CDKAL1: variants seen among roughly 807,000 people sequenced by gnomAD.
CDKAL1 encodes threonylcarbamoyladenosine tRNA methylthiotransferase.
A neutral mutation model predicts 68.2 loss-of-function variants in CDKAL1; 32 were observed. The ratio of observed to expected loss-of-function variants is 0.47; its 90% CI spans 0.35 to 0.63. CDKAL1 has a LOEUF of 0.63. Among genes scored for constraint, CDKAL1 ranks in the 30% least tolerant of loss-of-function variants. The pLI is 0.00. For missense variants in CDKAL1, 606 were observed against 696.7 expected (o/e 0.87, Z 1.47); for synonymous variants, 234 against 244.3 (o/e 0.96, Z 0.39).
At chr6:21,154,581 G>A (rs73383781) in intron 13 of CDKAL1, among the ~76,000 whole-genome samples, 2,269 of 152,274 alleles carry the variant, frequency 0.015, 48 homozygotes, top group African/African-American at 0.051. Flanking sequence ...TTGATATAAT[G>A]TTAAATGTTT....
intron 13 of CDKAL1, among the ~76,000 whole-genome samples, chr6:21,113,064 C>T (rs1774202015): frequency 6.6e-6 from 1 of 152,090 alleles, no homozygotes. Context: ...AAAGCAAGGA[C>T]GGGCCATAAA....
intron 15 of CDKAL1, among the ~76,000 whole-genome samples, chr6:21,222,168 AC>A (rs1229396111): frequency 1.3e-5 from 2 of 152,158 alleles, no homozygotes; most frequent in African/African-American, 4.8e-5. Context: ...ATAAAAACCC[AC>A]CCGTGATATT....
At chr6:20,651,242 T>G (rs1386221901) in intron 5 of CDKAL1, among the ~76,000 whole-genome samples, 1 of 152,190 alleles carries the variant, frequency 6.6e-6, no homozygotes, top group African/African-American at 2.4e-5. Context: ...GGCAGTGGTT[T>G]GTAGTTCTCC....
rs1030341333 is a variant in CDKAL1 at position 21,200,959 on chromosome 6, C to T, written c.1384-151C>T. On this transcript the variant is annotated intron_variant, in intron 14 of 15. Coordinates refer to ENST00000274695, the MANE Select transcript of CDKAL1 (RefSeq NM_017774.3). Reference sequence around the variant, plus strand: ...CATTAATTGTGGCAAAAGTGCTATACTAATGTAAGACGGTAAATAATAAGA... The same window carrying T: ...CATTAATTGTGGCAAAAGTGCTATATTAATGTAAGACGGTAAATAATAAGA... 7 of 588,744 alleles carry T rather than the reference C, an allele frequency of 1.2e-5. No individual in the cohort carries two copies. The Admixed American group carries it at 1.3e-4, about 11-fold the overall frequency. The allele number at this position is 588,744 out of a possible 1,614,324, so 36.5% of individuals were successfully genotyped here. A position where few individuals can be genotyped will look rare whatever the true frequency, so the allele number is the denominator to read the frequency against.
chr6:21,160,673 G>C (rs1388986434), intron 13 of CDKAL1, among the ~76,000 whole-genome samples: 1 of 140,776 alleles, frequency 7.1e-6, no homozygotes, highest in Non-Finnish European at 1.6e-5. Context: ...GTGTGTGTGT[G>C]TGTGTCTGTG....
chr6:20,536,946 G>A (rs747126389), intron 2 of CDKAL1, among the ~76,000 whole-genome samples: 107 of 152,192 alleles, frequency 7.0e-4, no homozygotes, highest in Non-Finnish European at 1.3e-3. Flanking sequence ...AGAATGACTG[G>A]AAAGTTTTTA....
intron 9 of CDKAL1, among the ~76,000 whole-genome samples, chr6:20,904,157 G>A (rs1301369331): frequency 6.6e-6 from 1 of 152,136 alleles, no homozygotes; most frequent in Non-Finnish European, 1.5e-5. Context: ...CAAACAAAGT[G>A]GTGGGCAACC....
At chr6:21,081,714 G>T (rs1245297318) in intron 12 of CDKAL1, among the ~76,000 whole-genome samples, 1 of 151,452 alleles carries the variant, frequency 6.6e-6, no homozygotes, top group Non-Finnish European at 1.5e-5. Flanking sequence ...TGGGACTACA[G>T]GTGCCCGCCA....
chr6:20,625,007 A>G lies in CDKAL1; in HGVS notation c.287-24286A>G, dbSNP rs147319318. 9.4e-3 allele frequency among the ~76,000 whole-genome samples: 1,428 copies of G among 152,150 alleles called. 19 individuals carry two copies. Among genetic ancestry groups the G allele is most frequent in the African/African-American group, 0.031 (1,269 of 41,514 alleles). On this transcript the variant is annotated intron_variant, in intron 4 of 15. Transcript: ENST00000274695. The stretch of plus-strand genomic sequence containing the variant: ...CTCTTCATCTGTTTTCTGAGTCCTA[A>G]TGTGATTTCCCAGAATACCTAGCAC...
intron 9 of CDKAL1, among the ~76,000 whole-genome samples, chr6:20,889,232 T>C (rs1761252469): frequency 6.6e-6 from 1 of 151,832 alleles, no homozygotes; most frequent in Admixed American, 6.6e-5. Context: ...GTTTTTTTCT[T>C]GTAAATTTGT....
chr6:20,842,284 T>C (rs1257935310), intron 8 of CDKAL1, among the ~76,000 whole-genome samples: 1 of 152,226 alleles, frequency 6.6e-6, no homozygotes, highest in African/African-American at 2.4e-5. Context: ...AAATCTCTTC[T>C]TTTTAAAGCT....
intron 2 of CDKAL1, among the ~76,000 whole-genome samples, chr6:20,544,595 C>CAAAAAAAAAA (rs747920604): frequency 1.8e-5 from 1 of 56,720 alleles, no homozygotes; most frequent in Non-Finnish European, 3.3e-5. Context: ...AACTCCGTCT[C>CAAAAAAAAAA]AAAAAAAAAA....
intron 10 of CDKAL1, among the ~76,000 whole-genome samples, chr6:20,966,612 G>A (rs73735040): frequency 0.044 from 6,748 of 152,190 alleles, 482 homozygotes; most frequent in African/African-American, 0.15. Context: ...ATGTATTATT[G>A]TGTGTTTTTA....
intron 5 of CDKAL1, among the ~76,000 whole-genome samples, chr6:20,721,052 G>C (rs945206329): frequency 6.6e-6 from 1 of 152,122 alleles, no homozygotes; most frequent in Non-Finnish European, 1.5e-5. Flanking sequence ...ATGTTGGTAT[G>C]CTGCACCCGT....
chr6:20,840,673 G>T (rs980094201), intron 8 of CDKAL1, among the ~76,000 whole-genome samples: 10 of 152,148 alleles, frequency 6.6e-5, no homozygotes, highest in Non-Finnish European at 1.5e-5. Context: ...TTTTTCCATT[G>T]CTTGTTGAGA....
intron 5 of CDKAL1, among the ~76,000 whole-genome samples, chr6:20,685,652 A>G (rs1016262361): frequency 6.6e-6 from 1 of 152,194 alleles, no homozygotes; most frequent in South Asian, 2.1e-4. Context: ...CTCTTCATTT[A>G]TTTAGTTCTT....
intron 13 of CDKAL1, among the ~76,000 whole-genome samples, chr6:21,187,103 T>C (rs12191416): frequency 0.16 from 24,065 of 152,176 alleles, 2,282 homozygotes; most frequent in Admixed American, 0.26. Flanking sequence ...CACTGGTGTA[T>C]GTTTGATAAC....
At chr6:21,198,289 A>C (rs1778548650) in intron 14 of CDKAL1, among the ~76,000 whole-genome samples, 185 bp downstream of exon 14, 1 of 152,218 alleles carries the variant, frequency 6.6e-6, no homozygotes, top group East Asian at 1.9e-4. Flanking sequence ...TGTTCTGTAC[A>C]AAGGAATAGG....
intron 5 of CDKAL1, among the ~76,000 whole-genome samples, chr6:20,667,934 G>A (rs568755554): frequency 6.6e-6 from 1 of 152,146 alleles, no homozygotes; most frequent in Admixed American, 6.6e-5. Flanking sequence ...GGTGTGCAAT[G>A]GAAACTTCAT....
Sources: allele counts gnomAD v4.1 joint callset (sites outside exome capture counted in the v4.1 genomes callset), GRCh38; gene constraint gnomAD v4.1.1; transcripts MANE v1.5; gene names NCBI Gene and HGNC (gene_info 2026-07-23, HGNC 2026-07-21).